The following ERCC8 variants were observed in gnomAD, a reference collection of about 807,000 sequenced individuals.
ERCC8 encodes the protein DNA excision repair protein ERCC-8.
ERCC8 carries 52 observed loss-of-function variants against 54.9 expected under a neutral mutation model. The ratio of observed to expected loss-of-function variants is 0.95; its 90% CI spans 0.76 to 1.19. The LOEUF (loss-of-function observed/expected upper bound fraction) is 1.19, where lower values mean the gene tolerates loss of function less well. Among genes scored for constraint, ERCC8 ranks in the 50% most tolerant of loss-of-function variants. The probability of loss-of-function intolerance (pLI) is 0.00; values close to 1 mark genes in which losing one functional copy is unlikely to be tolerated. For synonymous variants in ERCC8, 146 were observed against 157.2 expected (o/e 0.93, Z 0.53); for missense variants, 514 against 466.1 (o/e 1.10, Z -0.95).
chr5:60,935,390 T>A (rs764797215), intron 1 of ERCC8, among the ~76,000 whole-genome samples: 10 of 152,238 alleles, frequency 6.6e-5, no homozygotes, highest in Non-Finnish European at 1.2e-4. Flanking sequence ...TAATTTTGTA[T>A]CCTGAAACTT....
intron 1 of ERCC8, among the ~76,000 whole-genome samples, chr5:60,931,765 T>C (rs1162331386): frequency 6.6e-6 from 1 of 152,230 alleles, no homozygotes; most frequent in Non-Finnish European, 1.5e-5. Flanking sequence ...TACAACAGAA[T>C]ATATGCTCTT....
intron 3 of ERCC8, chr5:60,918,682 T>C (rs1749512118): frequency 2.7e-6 from 1 of 375,178 alleles, no homozygotes; most frequent in Non-Finnish European, 5.0e-6. Flanking sequence ...CTGGTCTTCT[T>C]TCATCTTGAA....
chr5:60,928,350 T>A (rs1749811540), intron 2 of ERCC8, among the ~76,000 whole-genome samples: 1 of 152,182 alleles, frequency 6.6e-6, no homozygotes, highest in South Asian at 2.1e-4. Context: ...GCATATTATC[T>A]CAATCTTCAA....
chr5:60,944,723 G>A lies in ERCC8; in HGVS notation c.77+209C>T, dbSNP rs1322903972. ...CGGGGGAACCCCCCCCCCACCCCCGGGGAACCCCCCCCACCCCCGCCGCCC... is the reference window on the plus strand; with the variant it reads ...CGGGGGAACCCCCCCCCCACCCCCGAGGAACCCCCCCCACCCCCGCCGCCC... On this transcript the variant is annotated intron_variant, in intron 1 of 11. Coordinates refer to ENST00000676185, the MANE Select transcript of ERCC8 (RefSeq NM_000082.4). Among the ~76,000 whole-genome samples, 6 of 34,150 alleles carry A rather than the reference G, an allele frequency of 1.8e-4. No individual in the cohort carries two copies. In the East Asian group the frequency reaches 4.3e-3, roughly 25 times the overall value. 22.4% of individuals were successfully genotyped at this position (34,150 alleles called of 152,430 possible).
intron 11 of ERCC8, among the ~76,000 whole-genome samples, chr5:60,887,184 C>T (rs960520378): frequency 1.3e-5 from 2 of 152,088 alleles, no homozygotes; most frequent in Non-Finnish European, 2.9e-5. Flanking sequence ...TTAAAATAGT[C>T]AAATTATTTT....
At chr5:60,891,920 G>A in intron 9 of ERCC8, 1 of 499,198 alleles carries the variant, frequency 2.0e-6, no homozygotes, top group South Asian at 1.6e-5. Flanking sequence ...AGGGAAGTGA[G>A]ATCAGTCAAT....
At chr5:60,899,545 GTTTA>G in intron 8 of ERCC8, 78 bp downstream of exon 8, 1 of 1,000,918 alleles carries the variant, frequency 1.0e-6, no homozygotes, top group Non-Finnish European at 1.6e-6. Context: ...GTCAATATGC[GTTTA>G]TTATGTGGCT....
chr5:60,899,877 A>G (rs1263190880), intron 7 of ERCC8, 150 bp from the exon 8 acceptor site: 1 of 620,362 alleles, frequency 1.6e-6, no homozygotes, highest in African/African-American at 1.8e-5. Context: ...TTGCCTTTTC[A>G]GCAAATATTC....
At chr5:60,908,937 C>T (rs1749162445) in intron 4 of ERCC8, among the ~76,000 whole-genome samples, 1 of 152,028 alleles carries the variant, frequency 6.6e-6, no homozygotes, top group Admixed American at 6.6e-5. Context: ...GGATTGTTAA[C>T]AGAAAGGCGT....
In ERCC8 at chr5:60,868,227, C is replaced by A. The variant is rs573160733; in HGVS notation, c.*6388G>T. 1.3e-5 allele frequency among the ~76,000 whole-genome samples: 2 copies of A among 152,298 alleles called. No homozygotes were observed. Among genetic ancestry groups the A allele is most frequent in the East Asian group, 3.9e-4 (2 of 5,190 alleles). ...AACAAACTGTCAAGGCATAAAAACA[C>A]GAGCAGCTTAATGAACTTAGTCTTA... On this transcript the variant is annotated 3_prime_UTR_variant, in exon 12 of 12. Coordinates refer to ENST00000676185, the MANE Select transcript of ERCC8 (RefSeq NM_000082.4).
chr5:60,875,970 T>C (rs944915885), intron 11 of ERCC8, among the ~76,000 whole-genome samples: 1 of 152,148 alleles, frequency 6.6e-6, no homozygotes, highest in Non-Finnish European at 1.5e-5. Flanking sequence ...ACATGTGCCA[T>C]GTTGGTGTGC....
chr5:60,904,670 AT>A, intron 5 of ERCC8, 121 bp downstream of exon 5: 1 of 167,930 alleles, frequency 6.0e-6, no homozygotes, highest in Non-Finnish European at 1.1e-5. Flanking sequence ...ATATATATAT[AT>A]ATATATATAT....
At chr5:60,903,513 T>A in intron 6 of ERCC8, 135 bp downstream of exon 6, 1 of 1,433,408 alleles carries the variant, frequency 7.0e-7, no homozygotes, top group Non-Finnish European at 9.5e-7. Flanking sequence ...AGGATCTTTA[T>A]TTCCCTGCTG....
Position 60,868,476 on chromosome 5 carries a change from T to A in ERCC8, c.*6139A>T, listed in dbSNP as rs1747798598. Among the ~76,000 whole-genome samples, 3 of 152,158 alleles carry A rather than the reference T, an allele frequency of 2.0e-5. No individual in the cohort carries two copies. The highest frequency in any genetic ancestry group is 4.1e-4 in the South Asian group (2 of 4,834). ...CTAAGAGAGGTCGCAACATAGTTCT[T>A]TAATTTTACCCCCTTCCTTTGAAAT... On this transcript the variant is annotated 3_prime_UTR_variant, in exon 12 of 12. Coordinates refer to ENST00000676185, the MANE Select transcript of ERCC8 (RefSeq NM_000082.4).
At chr5:60,889,176 C>G (rs560198313) in intron 10 of ERCC8, among the ~76,000 whole-genome samples, 26 of 152,244 alleles carry the variant, frequency 1.7e-4, no homozygotes, top group African/African-American at 6.3e-4. Flanking sequence ...TTAGATTATT[C>G]GATGAAGGTG....
chr5:60,879,806 T>C (rs1431356664), intron 11 of ERCC8, among the ~76,000 whole-genome samples: 2 of 152,248 alleles, frequency 1.3e-5, no homozygotes, highest in Non-Finnish European at 2.9e-5. Context: ...TGATGGGTCT[T>C]GACTCTTTAT....
chr5:60,913,175 T>C (rs1749322238), intron 4 of ERCC8, among the ~76,000 whole-genome samples: 1 of 152,160 alleles, frequency 6.6e-6, no homozygotes, highest in Non-Finnish European at 1.5e-5. Flanking sequence ...TGGTACCAGC[T>C]CCTCTTTGTA....
intron 1 of ERCC8, among the ~76,000 whole-genome samples, chr5:60,938,086 T>TATATATA (rs1561519180): frequency 2.9e-4 from 7 of 24,044 alleles, no homozygotes; most frequent in African/African-American, 4.2e-4. Flanking sequence ...TATATATATA[T>TATATATA]TTTATTTTTT....
intron 10 of ERCC8, among the ~76,000 whole-genome samples, chr5:60,888,308 CA>C: frequency 6.6e-6 from 1 of 152,170 alleles, no homozygotes; most frequent in South Asian, 2.1e-4. Context: ...ATTAGATATA[CA>C]TTATCAAATT....
Sources: allele counts gnomAD v4.1 joint callset (sites outside exome capture counted in the v4.1 genomes callset), GRCh38; gene constraint gnomAD v4.1.1; transcripts MANE v1.5; gene names NCBI Gene and HGNC (gene_info 2026-07-23, HGNC 2026-07-21).